Variants in GPC5 observed in about 807,000 individuals in gnomAD.
GPC5 encodes glypican 5.
A neutral mutation model predicts 53.9 loss-of-function variants in GPC5; 47 were observed. The ratio of observed to expected loss-of-function variants is 0.87; its 90% confidence interval spans 0.69 to 1.11. GPC5 has a LOEUF of 1.11. GPC5 is among the 50% of genes most tolerant of loss of function. The pLI is 0.00. For missense variants in GPC5, 748 were observed against 713.1 expected, an observed-to-expected ratio of 1.05 and a Z score of -0.56; for synonymous variants, 286 against 263.3, an observed-to-expected ratio of 1.09 and a Z score of -0.84.
intron 6 of GPC5, among the ~76,000 whole-genome samples, chr13:92,088,361 A>G (rs2041352429): frequency 6.6e-6 from 1 of 152,094 alleles, no homozygotes; most frequent in Admixed American, 6.6e-5. Context: ...TGAAAAGGAG[A>G]AGAAGGAAGC....
In GPC5 at chr13:91,475,772, T is replaced by C. The variant is rs191383516; in HGVS notation, c.325+26850T>C. 2.2e-3 allele frequency among the ~76,000 whole-genome samples: 334 copies of C among 152,280 alleles called. 1 individual carries two copies. The highest frequency in any genetic ancestry group is 7.8e-3 in the African/African-American group (326 of 41,566). ...AGAGCAAGTGGAAAGATAAAGTGCC[T>C]CTTAAAGATGAGGCTCAGAATTGGT... On this transcript the variant is annotated intron_variant, in intron 2 of 7. Transcript: ENST00000377067.
chr13:91,674,499 A>ATATGTGTATATATACACATATATGCG (rs2035327635), intron 2 of GPC5, among the ~76,000 whole-genome samples: 1 of 149,502 alleles, frequency 6.7e-6, no homozygotes. Flanking sequence ...GTATATATGC[A>ATATGTGTATATATACACATATATGCG]TATGTGTATA....
intron 7 of GPC5, among the ~76,000 whole-genome samples, chr13:92,786,536 T>C (rs1876239201): frequency 6.6e-6 from 1 of 152,116 alleles, no homozygotes; most frequent in African/African-American, 2.4e-5. Context: ...TGGGATTTAA[T>C]GGTTAAAAAT....
At chr13:92,451,597 AATG>A (rs751881731) in intron 7 of GPC5, among the ~76,000 whole-genome samples, 1 of 152,190 alleles carries the variant, frequency 6.6e-6, no homozygotes, top group Non-Finnish European at 1.5e-5. Context: ...TATCCTAAAT[AATG>A]ATATGTTCTG....
chr13:92,831,149 T>C (rs1037300161), intron 7 of GPC5, among the ~76,000 whole-genome samples: 3 of 152,156 alleles, frequency 2.0e-5, no homozygotes, highest in Admixed American at 2.0e-4. Context: ...CAAAGTCGTA[T>C]TCATGGCTAG....
chr13:91,760,431 T>G (rs893904827), intron 5 of GPC5, among the ~76,000 whole-genome samples: 1 of 152,184 alleles, frequency 6.6e-6, no homozygotes, highest in Admixed American at 6.5e-5. Flanking sequence ...AAGTAAGTAA[T>G]GCCATTCAGT....
intron 7 of GPC5, among the ~76,000 whole-genome samples, chr13:92,407,615 A>G (rs1193338640): frequency 2.6e-5 from 4 of 152,316 alleles, no homozygotes; most frequent in African/African-American, 9.6e-5. Flanking sequence ...AAAATTGAAT[A>G]TGTAGCTATA....
chr13:91,712,454 G>T (rs1218329389), intron 3 of GPC5, among the ~76,000 whole-genome samples: 1 of 151,964 alleles, frequency 6.6e-6, no homozygotes, highest in African/African-American at 2.4e-5. Flanking sequence ...TTGGGTGAAA[G>T]TATGAATCAT....
At chr13:91,404,329 A>G (rs1877167636) in intron 1 of GPC5, among the ~76,000 whole-genome samples, 1 of 152,236 alleles carries the variant, frequency 6.6e-6, no homozygotes. Flanking sequence ...CCGACAAACA[A>G]CAGATCTGAT....
chr13:91,582,124 G>A (rs1366403121), intron 2 of GPC5, among the ~76,000 whole-genome samples: 1 of 152,102 alleles, frequency 6.6e-6, no homozygotes, highest in Non-Finnish European at 1.5e-5. Flanking sequence ...GGGCTGCAGT[G>A]GGGGAATAGA....
At chr13:92,613,691 A>G (rs1278949090) in intron 7 of GPC5, among the ~76,000 whole-genome samples, 1 of 137,678 alleles carries the variant, frequency 7.3e-6, no homozygotes, top group Non-Finnish European at 1.5e-5. Context: ...TATATAATAT[A>G]TATATTATAT....
intron 6 of GPC5, among the ~76,000 whole-genome samples, chr13:92,036,631 A>G (rs1020034887): frequency 3.9e-5 from 6 of 152,206 alleles, no homozygotes; most frequent in African/African-American, 1.4e-4. Context: ...TAACCTTTCT[A>G]CTGAGTTTCT....
chr13:92,632,876 A>AT (rs1378503334), intron 7 of GPC5, among the ~76,000 whole-genome samples: 6 of 151,716 alleles, frequency 4.0e-5, no homozygotes, highest in Non-Finnish European at 7.4e-5. Context: ...AGAAACTCCC[A>AT]TTTTTTTGTT....
chr13:92,229,873 A>G (rs2042517288), intron 7 of GPC5, among the ~76,000 whole-genome samples: 1 of 152,056 alleles, frequency 6.6e-6, no homozygotes, highest in Non-Finnish European at 1.5e-5. Context: ...GCCACTTGAC[A>G]CTTTTTAAAA....
At chr13:92,624,205 G>A (rs1884974594) in intron 7 of GPC5, among the ~76,000 whole-genome samples, 1 of 151,892 alleles carries the variant, frequency 6.6e-6, no homozygotes, top group Non-Finnish European at 1.5e-5. Context: ...TAGTAGCTGA[G>A]ATAACAGGCA....
At chr13:91,544,056 T>G (rs1427846878) in intron 2 of GPC5, among the ~76,000 whole-genome samples, 1 of 152,118 alleles carries the variant, frequency 6.6e-6, no homozygotes, top group Non-Finnish European at 1.5e-5. Flanking sequence ...ACAGCCTCAG[T>G]TATTTCTAGT....
chr13:92,650,854 C>T (rs35293464), intron 7 of GPC5, among the ~76,000 whole-genome samples: 36,148 of 151,940 alleles, frequency 0.24, 4,992 homozygotes, highest in South Asian at 0.39. Context: ...AGGTTTGTTG[C>T]ATAGGTATAC....
At chr13:91,629,288 C>G (rs555793265) in intron 2 of GPC5, among the ~76,000 whole-genome samples, 2 of 152,212 alleles carry the variant, frequency 1.3e-5, no homozygotes, top group Middle Eastern at 3.4e-3. Context: ...ATTATACTTT[C>G]CTTGTCATAA....
At chr13:92,788,309 A>G (rs1297429510) in intron 7 of GPC5, among the ~76,000 whole-genome samples, 3 of 152,180 alleles carry the variant, frequency 2.0e-5, no homozygotes, top group African/African-American at 7.2e-5. Context: ...ATGAAATATA[A>G]TTATAAAAAC....
Sources: allele counts gnomAD v4.1 joint callset (sites outside exome capture counted in the v4.1 genomes callset), GRCh38; gene constraint gnomAD v4.1.1; transcripts MANE v1.5; gene names NCBI Gene and HGNC (gene_info 2026-07-23, HGNC 2026-07-21).